The following RGPD3 variants were observed in gnomAD, a reference collection of about 807,000 sequenced individuals.
RGPD3 encodes RANBP2 like and GRIP domain containing 3.
A neutral mutation model predicts 154.5 loss-of-function variants in RGPD3; 62 were observed. The ratio of observed to expected loss-of-function variants is 0.40; its 90% CI spans 0.33 to 0.50. The LOEUF is 0.50. Among genes scored for constraint, RGPD3 ranks in the 20% least tolerant of loss-of-function variants. The pLI is 0.59. For missense variants in RGPD3, 919 were observed against 1,716.8 expected (o/e 0.54, Z 8.21); for synonymous variants, 308 against 607.0 (o/e 0.51, Z 7.24).
At chr2:106,468,465 G>A, upstream of RGPD3, 4 of 1,267,108 alleles carry the variant, frequency 3.2e-6, no homozygotes, top group East Asian at 5.4e-5. Context: ...CGACTTCGGC[G>A]CTCGAGCTGC....
At chr2:106,412,293 G>GTTTTTTTTTTTTT (rs772813472) in intron 22 of RGPD3, among the ~76,000 whole-genome samples, 2 of 45,028 alleles carry the variant, frequency 4.4e-5, no homozygotes, top group Non-Finnish European at 7.9e-5. Context: ...CTACATCATA[G>GTTTTTTTTTTTTT]TTTTTTTTTT....
Position 106,404,685 on chromosome 2 carries a change from A to G in RGPD3, c.*534T>C, listed in dbSNP as rs4479424. Among the ~76,000 whole-genome samples, 2,083 of 77,386 alleles carry G rather than the reference A, an allele frequency of 0.027. 107 individuals are homozygous for G. Among genetic ancestry groups the G allele is most frequent in the Middle Eastern group, 0.099 (17 of 172 alleles). 50.8% of individuals were successfully genotyped at this position (77,386 alleles called of 152,430 possible). ...CTGTTCCCCGAGCTGGAGTGCAGTG[A>G]TACAATCACAGCTCACTAGCCTCAA... On this transcript the variant is annotated 3_prime_UTR_variant, in exon 23 of 23. Coordinates refer to ENST00000409886, the MANE Select transcript of RGPD3 (RefSeq NM_001144013.2).
chr2:106,466,873 G>C (rs1480834294), intron 1 of RGPD3, among the ~76,000 whole-genome samples: 1 of 75,840 alleles, frequency 1.3e-5, no homozygotes. Flanking sequence ...CTGAGCCATC[G>C]AGGCCGCCGC....
intron 22 of RGPD3, among the ~76,000 whole-genome samples, chr2:106,412,289 C>A: frequency 1.0e-5 from 1 of 96,480 alleles, no homozygotes; most frequent in Admixed American, 1.3e-4. Flanking sequence ...CTAACTACAT[C>A]ATAGTTTTTT....
chr2:106,457,361 A>G (rs1678263693), intron 3 of RGPD3, among the ~76,000 whole-genome samples: 1 of 152,282 alleles, frequency 6.6e-6, no homozygotes, highest in Non-Finnish European at 1.5e-5. Flanking sequence ...AAAACACAAA[A>G]GAACACCATT....
At chr2:106,416,011 A>C (rs1246856754) in intron 20 of RGPD3, 22 bp from the exon 21 acceptor site, 1 of 1,611,154 alleles carries the variant, frequency 6.2e-7, no homozygotes, top group Non-Finnish European at 8.5e-7. Flanking sequence ...TGTTCCAAGA[A>C]TTAATTTTCA....
intron 9 of RGPD3, among the ~76,000 whole-genome samples, chr2:106,438,179 C>A (rs561184444): frequency 6.6e-6 from 1 of 151,966 alleles, no homozygotes; most frequent in Admixed American, 6.6e-5. Context: ...CTGCCCGCCT[C>A]GGCCTCCCAA....
chr2:106,464,336 A>G (rs866787855), intron 1 of RGPD3, among the ~76,000 whole-genome samples: 1,860 of 85,166 alleles, frequency 0.022, 15 homozygotes, highest in South Asian at 0.081. Flanking sequence ...GCGAGACTCC[A>G]TCTCAAAAAA....
At chr2:106,414,352 G>C (rs1219716656) in intron 21 of RGPD3, among the ~76,000 whole-genome samples, 1 of 152,182 alleles carries the variant, frequency 6.6e-6, no homozygotes. Context: ...GGCCAGGAGT[G>C]GTGGCTCATG....
intron 21 of RGPD3, among the ~76,000 whole-genome samples, 190 bp from the exon 22 acceptor site, chr2:106,413,475 G>A (rs925135142): frequency 2.0e-5 from 3 of 152,004 alleles, no homozygotes; most frequent in Non-Finnish European, 2.9e-5. Flanking sequence ...TGACATCATC[G>A]TATAAAATCC....
chr2:106,444,653 T>C (rs919797843), intron 7 of RGPD3, among the ~76,000 whole-genome samples: 16 of 140,880 alleles, frequency 1.1e-4, no homozygotes, highest in African/African-American at 4.3e-4. Flanking sequence ...AGCAAGACCT[T>C]GTCTTTACAA....
At chr2:106,416,082 ATG>A (rs1472013861) in intron 20 of RGPD3, 93 bp from the exon 21 acceptor site, 2 of 1,539,512 alleles carry the variant, frequency 1.3e-6, no homozygotes, top group Non-Finnish European at 1.8e-6. Flanking sequence ...ATATCTTACT[ATG>A]TGATATTTTA....
At position 106,415,867 on chromosome 2, in the gene RGPD3, G is replaced by T. The variant is rs1439683270; in HGVS notation, c.5047C>A (p.Leu1683Ile). 1 of 1,611,832 alleles carries T rather than the reference G, an allele frequency of 6.2e-7. No homozygotes were observed. The highest frequency in any genetic ancestry group is 1.3e-5 in the African/African-American group (1 of 74,910). ...GATCTCACCTTAATTTGCTCCATAA[G>T]GACTGCATTGGTTGCCTCTATTTCC... The part of the protein sequence containing the change: ...LREIEATNAV[L>I]MEQIKLLKSE... The change falls in exon 21 of 23, where the codon CTT becomes ATT. Residue 1683 changes from leucine (L) to isoleucine (I), a missense_variant. By Grantham distance (5) the Leu-to-Ile change is conservative. Transcript: ENST00000409886.
At chr2:106,414,058 A>T (rs1249562734) in intron 21 of RGPD3, among the ~76,000 whole-genome samples, 3 of 152,072 alleles carry the variant, frequency 2.0e-5, no homozygotes, top group African/African-American at 4.8e-5. Flanking sequence ...AACGGCACTT[A>T]ATCAAAAGTT....
chr2:106,464,724 T>C (rs116504279), intron 1 of RGPD3, among the ~76,000 whole-genome samples: 8,589 of 151,966 alleles, frequency 0.057, 283 homozygotes, highest in Non-Finnish European at 0.084. Flanking sequence ...ATATATTTTT[T>C]TCTTTTTTTC....
At chr2:106,415,386 G>C (rs1315568773) in intron 21 of RGPD3, among the ~76,000 whole-genome samples, 1 of 152,094 alleles carries the variant, frequency 6.6e-6, no homozygotes, top group East Asian at 1.9e-4. Context: ...AGGTATAAAA[G>C]AAGTATTTTG....
At chr2:106,416,564 C>T (rs1478461336) in intron 20 of RGPD3, among the ~76,000 whole-genome samples, 2 of 140,540 alleles carry the variant, frequency 1.4e-5, no homozygotes, top group Non-Finnish European at 3.1e-5. Context: ...CAGTTTCTAC[C>T]CCACGTGGTC....
chr2:106,420,799 C>G (rs563900562), intron 20 of RGPD3, among the ~76,000 whole-genome samples: 15 of 152,332 alleles, frequency 9.8e-5, no homozygotes, highest in Admixed American at 2.0e-4. Flanking sequence ...ATTTGAGATG[C>G]GGTCTTCCTT....
rs749638880 is a variant in RGPD3, at chr2:106,424,792, C to G, written c.3175G>C (p.Val1059Leu). The change falls in exon 20 of 23, where the codon GTT becomes CTT. Residue 1059 changes from valine to leucine, a missense_variant. By Grantham distance (32) the Val-to-Leu change is conservative. Transcript: ENST00000409886. ...AGTTTTACCCCCTGTGAATACAGAACTTTTTCACCTTCTTCTCCTGTTACA... is the reference window on the plus strand; with the variant it reads ...AGTTTTACCCCCTGTGAATACAGAAGTTTTTCACCTTCTTCTCCTGTTACA... Reference protein sequence around the residue: ...ELVTGEEGEKVLYSQGVKLFR... With the variant: ...ELVTGEEGEKLLYSQGVKLFR... The G allele has an allele frequency of 6.0e-5, 96 of 1,611,674 alleles. No individual in the cohort carries two copies. Among genetic ancestry groups the G allele is most frequent in the Middle Eastern group, 4.5e-4 (2 of 4,452 alleles).
Sources: allele counts gnomAD v4.1 joint callset (sites outside exome capture counted in the v4.1 genomes callset), GRCh38; gene constraint gnomAD v4.1.1; transcripts MANE v1.5; gene names NCBI Gene and HGNC (gene_info 2026-07-23, HGNC 2026-07-21).